The following ZNF658 variants were observed in gnomAD, a reference collection of about 807,000 sequenced individuals.
ZNF658 encodes the protein zinc finger protein 658.
A neutral mutation model predicts 78.0 loss-of-function variants in ZNF658; 46 were observed. The observed-to-expected ratio is 0.59, with a 90% CI of 0.47 to 0.75. ZNF658 has a LOEUF of 0.75. Among genes scored for constraint, ZNF658 ranks in the 30% least tolerant of loss-of-function variants. ZNF658 has a pLI of 0.00. For missense variants in ZNF658, 785 were observed against 1,189.3 expected, an observed-to-expected ratio of 0.66 and a Z score of 5.00; for synonymous variants, 279 against 408.4, an observed-to-expected ratio of 0.68 and a Z score of 3.82.
In ZNF658 at chr9:66,919,055, A is replaced by G; in HGVS notation, c.1489A>G (p.Ser497Gly). 1 of 670,792 alleles carries G rather than the reference A, an allele frequency of 1.5e-6. No homozygotes were observed. The highest frequency in any genetic ancestry group is 2.3e-6 in the Non-Finnish European group (1 of 425,988). 41.6% of individuals were successfully genotyped at this position (670,792 alleles called of 1,614,324 possible). A position where few individuals can be genotyped will look rare whatever the true frequency, so the allele number is the denominator to read the frequency against. Residue 497 changes from serine to glycine, a missense_variant, in exon 5 of 5, where the codon AGT becomes GGT. Physicochemically the swap from Ser to Gly is moderately conservative, Grantham distance 56. Around this residue, in one of 12 missense-constraint regions of ZNF658, gnomAD observed 393 missense variants for 400.2 expected, o/e 0.98. Coordinates refer to ENST00000621410, the MANE Select transcript of ZNF658 (RefSeq NM_033160.7). ...TDAEMELCGG[S>G]EYGKTSHLKG... The stretch of plus-strand genomic sequence containing the variant: ...TGCAGAGATGGAACTCTGTGGTGGC[A>G]GTGAATATGGGAAGACATCACATCT...
Position 66,908,338 on chromosome 9 carries a change from A to G in ZNF658, c.116A>G (p.Glu39Gly), listed in dbSNP as rs756156479. 2.5e-6 allele frequency: 4 copies of G among 1,614,154 alleles called. No homozygotes were observed. The South Asian group carries it at 4.4e-5, about 18-fold the overall frequency. Residue 39 changes from glutamate to glycine, a missense_variant, in exon 3 of 5, where the codon GAG (glutamate) becomes GGG (glycine). Transcript: ENST00000621410. ...ERTLYRDVML[E>G]NYSHLISVGY... ...ACGCTGTACAGAGATGTGATGCTGGAGAACTACAGCCACCTCATCTCAGTG... is the reference window on the plus strand; with the variant it reads ...ACGCTGTACAGAGATGTGATGCTGGGGAACTACAGCCACCTCATCTCAGTG...
chr9:66,907,487 G>A (rs905245167), intron 2 of ZNF658, among the ~76,000 whole-genome samples: 163 of 151,934 alleles, frequency 1.1e-3, no homozygotes, highest in African/African-American at 3.5e-3. Context: ...TGTGCCCTTG[G>A]ACCAATGCTT....
chr9:66,914,312 A>G (rs1291505058), intron 4 of ZNF658, among the ~76,000 whole-genome samples: 1 of 151,586 alleles, frequency 6.6e-6, no homozygotes, highest in Non-Finnish European at 1.5e-5. Flanking sequence ...ATTCCAATTC[A>G]TCATTGTATG....
chr9:66,925,593 A>T (rs1234707343), downstream of ZNF658, among the ~76,000 whole-genome samples: 3 of 152,014 alleles, frequency 2.0e-5, no homozygotes, highest in Non-Finnish European at 2.9e-5. Flanking sequence ...CAAATCAGTA[A>T]TAAAAAAAAC....
chr9:66,920,262 C>T lies in ZNF658; in HGVS notation c.2696C>T (p.Ala899Val), dbSNP rs1279241977. 7 of 1,610,390 alleles carry T rather than the reference C, an allele frequency of 4.3e-6. No individual in the cohort carries two copies. The highest frequency in any genetic ancestry group is 1.3e-5 in the African/African-American group (1 of 74,330). ...KTFSKTSHLR[A>V]HLRTRSGEKP... ...TTCTCCAAGACATCACATCTCAGAG[C>T]ACATCTTAGAACTCGCTCAGGGGAG... The change falls in exon 5 of 5, where the codon GCA becomes GTA. Residue 899 changes from alanine to valine, a missense_variant. Physicochemically the swap from Ala to Val is moderately conservative, Grantham distance 64 (BLOSUM62 0). Transcript: ENST00000621410.
chr9:66,924,038 C>T (rs965265961), downstream of ZNF658, among the ~76,000 whole-genome samples: 1 of 149,652 alleles, frequency 6.7e-6, no homozygotes, highest in African/African-American at 2.5e-5. Context: ...GTAATCCCAG[C>T]TATTCAAGAG....
At chr9:66,910,329 C>A (rs1402542635) in intron 4 of ZNF658, among the ~76,000 whole-genome samples, 1 of 151,904 alleles carries the variant, frequency 6.6e-6, no homozygotes, top group Non-Finnish European at 1.5e-5. Flanking sequence ...GTAAAATCAT[C>A]TTATTAGAAG....
Position 66,918,993 on chromosome 9 carries a change from C to G in ZNF658, c.1427C>G (p.Ser476Cys). 1 of 1,198,970 alleles carries G rather than the reference C, an allele frequency of 8.3e-7. No individual in the cohort carries two copies. The allele number at this position is 1,198,970 out of a possible 1,614,324, so 74.3% of individuals were successfully genotyped here. A position where few individuals can be genotyped will look rare whatever the true frequency, so the allele number is the denominator to read the frequency against. ...TGTGATAACAATGGCTGTGGGAGAT[C>G]TTACAAGTCACCCCTCATAGGACAC... ...KPCDNNGCGR[S>C]YKSPLIGHQK... is the part of the protein sequence containing the mutation. Residue 476 changes from serine (S) to cysteine (C), a missense_variant, in exon 5 of 5, where the codon TCT becomes TGT. By Grantham distance (112) the Ser-to-Cys change is moderately radical (BLOSUM62 -1). Coordinates refer to ENST00000621410, the MANE Select transcript of ZNF658 (RefSeq NM_033160.7).
chr9:66,905,263 A>T (rs1822053982), intron 2 of ZNF658, among the ~76,000 whole-genome samples: 1 of 149,516 alleles, frequency 6.7e-6, no homozygotes, highest in Non-Finnish European at 1.5e-5. Context: ...TTTAGTAGAG[A>T]TGGGGTTTTA....
intron 4 of ZNF658, among the ~76,000 whole-genome samples, chr9:66,915,399 A>T (rs1246554158): frequency 2.9e-5 from 2 of 69,546 alleles, no homozygotes; most frequent in African/African-American, 1.1e-4. Flanking sequence ...TTTATAGTTA[A>T]AAAAAAAAAA....
intron 4 of ZNF658, among the ~76,000 whole-genome samples, chr9:66,910,039 T>G (rs1267233217): frequency 6.6e-6 from 1 of 152,168 alleles, no homozygotes; most frequent in African/African-American, 2.4e-5. Flanking sequence ...TTTCTTCCGC[T>G]TCTTATAAAG....
At chr9:66,914,436 TTG>T (rs1822286762) in intron 4 of ZNF658, among the ~76,000 whole-genome samples, 1 of 152,028 alleles carries the variant, frequency 6.6e-6, no homozygotes, top group African/African-American at 2.4e-5. Flanking sequence ...CTCTGTATCT[TTG>T]TGTTTTTATT....
chr9:66,925,391 C>T (rs574872977), downstream of ZNF658, among the ~76,000 whole-genome samples: 1 of 152,076 alleles, frequency 6.6e-6, no homozygotes, highest in South Asian at 2.1e-4. Flanking sequence ...AAGACAAAAA[C>T]AGAAATGAAA....
At chr9:66,930,645 TA>T (rs1441513629) in intron 6 of ZNF658, among the ~76,000 whole-genome samples, 2 of 152,032 alleles carry the variant, frequency 1.3e-5, no homozygotes, top group East Asian at 3.9e-4. Context: ...CCGTCTCTAC[TA>T]AAAAAATACA....
chr9:66,917,729 A>T (rs1822369111), intron 4 of ZNF658, 76 bp from the exon 5 acceptor site: 1 of 1,466,228 alleles, frequency 6.8e-7, no homozygotes, highest in Non-Finnish European at 9.0e-7. Flanking sequence ...CAAAACCAAA[A>T]TCAAAATATG....
At chr9:66,912,171 C>A in intron 4 of ZNF658, among the ~76,000 whole-genome samples, 1 of 118,250 alleles carries the variant, frequency 8.5e-6, no homozygotes, top group Non-Finnish European at 1.7e-5. Flanking sequence ...AAAACATATA[C>A]TTGATAGACA....
intron 4 of ZNF658, among the ~76,000 whole-genome samples, chr9:66,911,664 A>T (rs1822216617): frequency 9.1e-6 from 1 of 110,346 alleles, no homozygotes; most frequent in South Asian, 2.5e-4. Flanking sequence ...CACCTATATA[A>T]TAAATTCAAG....
intron 4 of ZNF658, among the ~76,000 whole-genome samples, chr9:66,914,551 G>T (rs994461724): frequency 1.3e-5 from 2 of 151,926 alleles, no homozygotes; most frequent in African/African-American, 4.8e-5. Context: ...AAGACATTCA[G>T]TCTCTCTTGA....
chr9:66,924,328 C>G, downstream of ZNF658: 1 of 446,840 alleles, frequency 2.2e-6, no homozygotes, highest in Middle Eastern at 7.1e-4. Context: ...TGCCTGAATC[C>G]CAAAGGAACG....
Sources: gnomAD v4.1 joint callset for allele counts (sites outside exome capture counted in the v4.1 genomes callset) on GRCh38, gnomAD v4.1.1 for gene constraint, gnomAD v4.1.1 regional missense constraint, MANE v1.5 for transcripts, NCBI Gene and HGNC (gene_info 2026-07-23, HGNC 2026-07-21) for gene names.